The following ABHD2 variants were observed in gnomAD, a reference collection of about 807,000 sequenced individuals.
The protein encoded by ABHD2 is monoacylglycerol lipase ABHD2.
ABHD2 carries 20 observed loss-of-function variants against 48.1 expected under a neutral mutation model. The observed-to-expected ratio is 0.42, with a 90% CI of 0.29 to 0.60. The LOEUF (loss-of-function observed/expected upper bound fraction) is 0.60, where lower values mean the gene tolerates loss of function less well. ABHD2 is among the 20% of genes least tolerant of loss of function. The pLI is 0.24. For missense variants in ABHD2, 405 were observed against 550.9 expected, an observed-to-expected ratio of 0.74 and a Z score of 2.65; for synonymous variants, 209 against 214.2, an observed-to-expected ratio of 0.98 and a Z score of 0.21.
intron 9 of ABHD2, among the ~76,000 whole-genome samples, chr15:89,192,143 C>T (rs987674683): frequency 6.6e-6 from 1 of 152,176 alleles, no homozygotes; most frequent in Admixed American, 6.5e-5. Flanking sequence ...CAATGTCCAC[C>T]TGTAGGTTTG....
chr15:89,117,944 CAA>C (rs939130529), intron 3 of ABHD2, among the ~76,000 whole-genome samples: 2 of 152,156 alleles, frequency 1.3e-5, no homozygotes, highest in African/African-American at 2.4e-5. Flanking sequence ...GACCCCAAGT[CAA>C]GAGAGAGATT....
the ABHD2 span, among the ~76,000 whole-genome samples, chr15:89,050,761 A>C: frequency 6.6e-6 from 1 of 152,178 alleles, no homozygotes; most frequent in South Asian, 2.1e-4. Flanking sequence ...TGAGGAAGGC[A>C]AGGGCAGCCT....
intron 3 of ABHD2, among the ~76,000 whole-genome samples, chr15:89,127,495 G>A (rs1194557971): frequency 6.6e-6 from 1 of 151,818 alleles, no homozygotes; most frequent in Non-Finnish European, 1.5e-5. Flanking sequence ...CCTGTGATAT[G>A]TAGCACCAAA....
intron 5 of ABHD2, among the ~76,000 whole-genome samples, chr15:89,157,108 T>C (rs2050687088): frequency 1.3e-5 from 2 of 152,238 alleles, no homozygotes; most frequent in South Asian, 2.1e-4. Context: ...TTGCTGTTAC[T>C]ACTCTGTTAT....
chr15:89,178,587 CAGAG>C (rs1453454123), intron 6 of ABHD2, among the ~76,000 whole-genome samples: 1 of 152,220 alleles, frequency 6.6e-6, no homozygotes, highest in Non-Finnish European at 1.5e-5. Flanking sequence ...GTTGAAGGCT[CAGAG>C]AGAAGCCAGC....
chr15:89,086,788 C>T (rs970572078), upstream of ABHD2, among the ~76,000 whole-genome samples: 1 of 152,240 alleles, frequency 6.6e-6, no homozygotes, highest in African/African-American at 2.4e-5. Context: ...TAGTGATAAT[C>T]TAAAGCTCTT....
Position 89,147,846 on chromosome 15 carries a change from C to T in ABHD2, c.195-3831C>T, listed in dbSNP as rs967694500. 8.6e-5 allele frequency among the ~76,000 whole-genome samples: 13 copies of T among 151,384 alleles called. 1 individual carries two copies. The highest frequency in any genetic ancestry group is 3.3e-4 in the Admixed American group (5 of 15,234). On this transcript the variant is annotated intron_variant, in intron 3 of 10. Coordinates refer to ENST00000352732, the MANE Select transcript of ABHD2 (RefSeq NM_152924.5). ...AACTAGGGCCGGGCACAGTGGCTCACGCCTGTAATGCCAGCACTTTGGGAG... is the reference window on the plus strand; with the variant it reads ...AACTAGGGCCGGGCACAGTGGCTCATGCCTGTAATGCCAGCACTTTGGGAG...
intron 4 of ABHD2, among the ~76,000 whole-genome samples, 163 bp downstream of exon 4, chr15:89,152,015 G>T (rs1281401623): frequency 6.6e-6 from 1 of 152,076 alleles, no homozygotes; most frequent in Non-Finnish European, 1.5e-5. Flanking sequence ...GCCTGCAAAG[G>T]TTAGCTTCAG....
At chr15:89,063,441 C>A in the ABHD2 span, among the ~76,000 whole-genome samples, 1 of 151,758 alleles carries the variant, frequency 6.6e-6, no homozygotes, top group Non-Finnish European at 1.5e-5. Context: ...AAAAGATAAC[C>A]ACTGCTGACA....
Position 89,184,135 on chromosome 15 carries a change from C to T in ABHD2, c.723-1289C>T, listed in dbSNP as rs1054033838. ...GAGCTTAGCCTGTGTTTGATGAGCA[C>T]ATTGCAGACCATTAAATTCACAAAC... On this transcript the variant is annotated intron_variant, in intron 6 of 10. Coordinates refer to ENST00000352732, the MANE Select transcript of ABHD2 (RefSeq NM_152924.5). This position sits in a 1 kb window ranked among gnomAD's most constrained non-coding sequence, Gnocchi z 5.1. Among the ~76,000 whole-genome samples, 1 of 152,162 alleles carries T rather than the reference C, an allele frequency of 6.6e-6. No homozygotes were observed. Among genetic ancestry groups the T allele is most frequent in the Non-Finnish European group, 1.5e-5 (1 of 68,038 alleles).
At chr15:89,105,773 C>T (rs1440136501) in intron 1 of ABHD2, among the ~76,000 whole-genome samples, 2 of 152,218 alleles carry the variant, frequency 1.3e-5, no homozygotes, top group African/African-American at 2.4e-5. Context: ...TGTTTCTCAG[C>T]ATCTCTGGAA....
the ABHD2 span, among the ~76,000 whole-genome samples, chr15:89,074,519 C>A: frequency 7.2e-5 from 11 of 152,300 alleles, no homozygotes; most frequent in Non-Finnish European, 1.2e-4. Flanking sequence ...AATGTGTCAC[C>A]AGGTGGAAAA....
chr15:89,155,584 C>T lies in ABHD2; in HGVS notation c.538+50C>T, dbSNP rs2050659779. The stretch of plus-strand genomic sequence containing the variant: ...CCCTTTTTCTGCAAGTGTGCTACTA[C>T]TTCTGCTTCTGCCTTGTTTTTTCTT... On this transcript the variant is annotated intron_variant, in intron 5 of 10. Transcript: ENST00000352732. The surrounding 1 kb of genome is among the most constrained non-coding windows in gnomAD (Gnocchi z 4.9). 6.4e-7 allele frequency: 1 copy of T among 1,569,318 alleles called. No individual in the cohort carries two copies. Among genetic ancestry groups the T allele is most frequent in the African/African-American group, 1.4e-5 (1 of 73,226 alleles).
intron 1 of ABHD2, among the ~76,000 whole-genome samples, chr15:89,109,888 T>C (rs1395745322): frequency 6.6e-6 from 1 of 152,178 alleles, no homozygotes; most frequent in Non-Finnish European, 1.5e-5. Flanking sequence ...CCCCTGCAGA[T>C]ACCAAACCCA....
intron 3 of ABHD2, among the ~76,000 whole-genome samples, chr15:89,150,633 A>C (rs1316263909): frequency 1.3e-5 from 2 of 151,724 alleles, no homozygotes; most frequent in Non-Finnish European, 2.9e-5. Flanking sequence ...ACACACACAT[A>C]CAAGGAGTAA....
In ABHD2 at chr15:89,184,012, T is replaced by TA. The variant is rs1567109632; in HGVS notation, c.723-1411dup. Among the ~76,000 whole-genome samples the TA allele has an allele frequency of 6.6e-6, 1 of 152,124 alleles. No individual in the cohort carries two copies. The highest frequency in any genetic ancestry group is 1.5e-5 in the Non-Finnish European group (1 of 68,018). Reference sequence around the variant, plus strand: ...GGTCCCTCATGGTGGTCTGGTCCTATACTCTTCCTGTAGTGCTTGGTTAGA... The same window carrying TA: ...GGTCCCTCATGGTGGTCTGGTCCTATAACTCTTCCTGTAGTGCTTGGTTAGA... On this transcript the variant is annotated intron_variant, in intron 6 of 10. Transcript: ENST00000352732. The surrounding 1 kb of genome is among the most constrained non-coding windows in gnomAD (Gnocchi z 5.1).
rs376504651 is a variant in ABHD2, at chr15:89,089,201, T to A, written c.-107+638T>A. ...AGCTAGCGCCTCGACCTTGGCGATGTCCAAGCAGTGGCCTGATGACAGCCA... is the reference window on the plus strand; with the variant it reads ...AGCTAGCGCCTCGACCTTGGCGATGACCAAGCAGTGGCCTGATGACAGCCA... On this transcript the variant is annotated intron_variant, in intron 1 of 10. Coordinates refer to ENST00000352732, the MANE Select transcript of ABHD2 (RefSeq NM_152924.5). Among the ~76,000 whole-genome samples, 12 of 152,342 alleles carry A rather than the reference T, an allele frequency of 7.9e-5. No individual in the cohort carries two copies. The East Asian group carries it at 2.1e-3, about 27-fold the overall frequency.
At chr15:89,069,862 T>C in the ABHD2 span, among the ~76,000 whole-genome samples, 1 of 151,900 alleles carries the variant, frequency 6.6e-6, no homozygotes, top group African/African-American at 2.4e-5. Context: ...GTATTTTTAG[T>C]AGAGACAGGG....
the ABHD2 span, among the ~76,000 whole-genome samples, chr15:89,051,304 T>C: frequency 6.6e-6 from 1 of 152,202 alleles, no homozygotes; most frequent in Admixed American, 6.5e-5. Context: ...TCATAAATCC[T>C]ATATACCTCA....
Sources: allele counts gnomAD v4.1 joint callset (sites outside exome capture counted in the v4.1 genomes callset), GRCh38; gene constraint gnomAD v4.1.1; non-coding constraint Gnocchi (gnomAD v3.1); transcripts MANE v1.5; gene names NCBI Gene and HGNC (gene_info 2026-07-23, HGNC 2026-07-21).